The following PAX7 variants were observed in gnomAD, a reference collection of about 807,000 sequenced individuals.
PAX7 encodes the protein paired box protein Pax-7.
In PAX7, 18 loss-of-function variants were observed where a neutral mutation model predicts 50.7. The ratio of observed to expected loss-of-function variants is 0.36; its 90% confidence interval spans 0.25 to 0.53. The LOEUF is 0.53. Ranked by LOEUF, PAX7 falls within the 20% of genes least tolerant of loss-of-function variation. The pLI is 0.93. For synonymous variants in PAX7, 310 were observed against 290.4 expected (o/e 1.07, Z -0.69); for missense variants, 644 against 702.9 (o/e 0.92, Z 0.95).
intron 4 of PAX7, among the ~76,000 whole-genome samples, chr1:18,656,963 G>A (rs1483665566): frequency 6.6e-6 from 1 of 152,144 alleles, no homozygotes; most frequent in Admixed American, 6.5e-5. Flanking sequence ...CTGCACTGCA[G>A]CCTTGACAAC....
intron 7 of PAX7, among the ~76,000 whole-genome samples, chr1:18,721,752 G>A (rs1430152597): frequency 6.6e-6 from 1 of 152,240 alleles, no homozygotes; most frequent in East Asian, 1.9e-4. Context: ...GGAGAAGCTG[G>A]CAGTTGTCGG....
At chr1:18,648,841 C>T (rs1557508382) in intron 4 of PAX7, among the ~76,000 whole-genome samples, 1 of 152,010 alleles carries the variant, frequency 6.6e-6, no homozygotes, top group Non-Finnish European at 1.5e-5. Flanking sequence ...TGTGGAGATA[C>T]CAGCTAGGAG....
intron 4 of PAX7, among the ~76,000 whole-genome samples, chr1:18,683,134 A>G (rs1208809367): frequency 6.6e-6 from 1 of 152,080 alleles, no homozygotes; most frequent in Non-Finnish European, 1.5e-5. Context: ...CCCTCCACCC[A>G]TCTCCCCTGC....
chr1:18,669,103 G>A (rs535174081), intron 4 of PAX7, among the ~76,000 whole-genome samples: 2 of 152,326 alleles, frequency 1.3e-5, no homozygotes, highest in East Asian at 1.9e-4. Flanking sequence ...GGGATCGGGG[G>A]CCAAGGGACA....
chr1:18,630,959 G>A lies in PAX7; in HGVS notation c.-645G>A, dbSNP rs2088030094. 9.4e-6 allele frequency: 2 copies of A among 212,416 alleles called. No homozygotes were observed. The highest frequency in any genetic ancestry group is 4.5e-5 in the African/African-American group (2 of 44,064). 13.2% of individuals were successfully genotyped at this position (212,416 alleles called of 1,614,324 possible). On this transcript the variant is annotated 5_prime_UTR_variant, in exon 1 of 9. Coordinates refer to ENST00000420770, the MANE Select transcript of PAX7 (RefSeq NM_001135254.2). ...TCCGTCCAGCCCTGAAACCCGAGGA[G>A]GCTCCTTCTTCCGTCTGTCCCCGGG...
At chr1:18,741,999 A>G (rs1570251236) in intron 8 of PAX7, among the ~76,000 whole-genome samples, 1 of 152,198 alleles carries the variant, frequency 6.6e-6, no homozygotes, top group Admixed American at 6.5e-5. Flanking sequence ...AGATGCGGAT[A>G]CCACCACTAC....
rs2088109472 is a variant in PAX7 at position 18,634,355 on chromosome 1, C to T, written c.138C>T (p.Ile46=). The change falls in exon 2 of 9, where the codon ATC becomes ATT. Residue 46 remains isoleucine (I), a synonymous_variant. Transcript: ENST00000420770. The surrounding 1 kb of genome is among the most constrained non-coding windows in gnomAD (Gnocchi z 4.0). The part of the protein sequence containing the change: ...GRVNQLGGVF[I]NGRPLPNHIR... ...TCAATCAGCTGGGAGGGGTCTTCAT[C>T]AATGGGCGACCCCTGCCTAACCACA... The T allele has an allele frequency of 6.2e-7, 1 of 1,613,926 alleles. No individual in the cohort carries two copies. Among genetic ancestry groups the T allele is most frequent in the African/African-American group, 1.3e-5 (1 of 74,952 alleles).
intron 7 of PAX7, among the ~76,000 whole-genome samples, chr1:18,725,285 A>G (rs996431961): frequency 2.9e-5 from 4 of 139,586 alleles, no homozygotes; most frequent in Non-Finnish European, 4.6e-5. Flanking sequence ...GTCTCCACCA[A>G]TTACAGAGGT....
chr1:18,725,993 TGCGCGCGCGC>T (rs61357866), intron 7 of PAX7, among the ~76,000 whole-genome samples: 2 of 148,532 alleles, frequency 1.3e-5, no homozygotes, highest in Non-Finnish European at 1.5e-5. Context: ...TGTGTGTGTG[TGCGCGCGCGC>T]GCGTGCGCGC....
chr1:18,656,463 G>A (rs1160888311), intron 4 of PAX7, among the ~76,000 whole-genome samples: 1 of 152,146 alleles, frequency 6.6e-6, no homozygotes, highest in African/African-American at 2.4e-5. Flanking sequence ...TACCGCCACT[G>A]CACTGCAGCC....
intron 4 of PAX7, among the ~76,000 whole-genome samples, chr1:18,687,326 C>T (rs906029006): frequency 6.6e-6 from 1 of 152,140 alleles, no homozygotes; most frequent in Non-Finnish European, 1.5e-5. Flanking sequence ...GACCACACAG[C>T]TAGGGAAAGA....
chr1:18,734,112 A>T (rs1294277003), intron 7 of PAX7, among the ~76,000 whole-genome samples: 4 of 152,220 alleles, frequency 2.6e-5, no homozygotes, highest in Non-Finnish European at 2.9e-5. Flanking sequence ...CAAGCCAATA[A>T]TAAAGGCAAA....
intron 7 of PAX7, among the ~76,000 whole-genome samples, chr1:18,716,476 G>A (rs1048312597): frequency 2.0e-5 from 3 of 147,092 alleles, no homozygotes; most frequent in Admixed American, 6.9e-5. Context: ...TCAGTTGATG[G>A]GAAATCCACG....
chr1:18,666,453 G>C (rs369630169), intron 4 of PAX7, among the ~76,000 whole-genome samples: 33 of 152,342 alleles, frequency 2.2e-4, no homozygotes, highest in South Asian at 1.2e-3. Context: ...ACAGGCCCCA[G>C]AAAGGCTGAT....
In PAX7 at chr1:18,703,081, G is replaced by T; in HGVS notation, c.953-13G>T. ...GGCCACTTGCTTAGGACCTCTCTTGGGTCTCTCTACAGATGGGGGCAGCAC... is the reference window on the plus strand; with the variant it reads ...GGCCACTTGCTTAGGACCTCTCTTGTGTCTCTCTACAGATGGGGGCAGCAC... On this transcript the variant is annotated splice_polypyrimidine_tract_variant and intron_variant, in intron 6 of 8. Coordinates refer to ENST00000420770, the MANE Select transcript of PAX7 (RefSeq NM_001135254.2). 6.2e-7 allele frequency: 1 copy of T among 1,611,324 alleles called. No homozygotes were observed. Among genetic ancestry groups the T allele is most frequent in the East Asian group, 2.2e-5 (1 of 44,820 alleles).
chr1:18,686,417 G>A (rs947933460), intron 4 of PAX7, among the ~76,000 whole-genome samples: 3 of 152,190 alleles, frequency 2.0e-5, no homozygotes, highest in Non-Finnish European at 4.4e-5. Context: ...GAGGGCAGGA[G>A]CCCAGGCTGG....
Position 18,634,312 on chromosome 1 carries a change from C to G in PAX7, c.95C>G (p.Pro32Arg). The change falls in exon 2 of 9, where the codon CCG becomes CGG. Residue 32 changes from proline (P) to arginine (R), a missense_variant. Pro to Arg is a moderately radical substitution (Grantham distance 103, BLOSUM62 -2). Coordinates refer to ENST00000420770, the MANE Select transcript of PAX7 (RefSeq NM_001135254.2). The surrounding 1 kb of genome is among the most constrained non-coding windows in gnomAD (Gnocchi z 4.0). ...CCCCTCCCTTCTCCAGTGTCCACCC[C>G]GCTTGGCCAAGGCCGGGTCAATCAG... ...RTGFPLEVSTPLGQGRVNQLG... is the reference protein window; with the variant it reads ...RTGFPLEVSTRLGQGRVNQLG... 7 of 1,613,688 alleles carry G rather than the reference C, an allele frequency of 4.3e-6. No individual in the cohort carries two copies. The highest frequency in any genetic ancestry group is 5.9e-6 in the Non-Finnish European group (7 of 1,179,884).
chr1:18,730,043 A>G (rs2089627194), intron 7 of PAX7, among the ~76,000 whole-genome samples: 1 of 152,046 alleles, frequency 6.6e-6, no homozygotes, highest in African/African-American at 2.4e-5. Context: ...CTTCCCTTCT[A>G]ATCCAGGCAG....
intron 4 of PAX7, among the ~76,000 whole-genome samples, chr1:18,644,674 C>A (rs2088310583): frequency 6.6e-6 from 1 of 151,988 alleles, no homozygotes. Context: ...GGACATGGGG[C>A]GGAGGGGCAC....
Sources: allele counts gnomAD v4.1 joint callset (sites outside exome capture counted in the v4.1 genomes callset), GRCh38; gene constraint gnomAD v4.1.1; non-coding constraint Gnocchi (gnomAD v3.1); transcripts MANE v1.5; gene names NCBI Gene and HGNC (gene_info 2026-07-23, HGNC 2026-07-21).